Variants in LRRC74B observed in about 807,000 individuals in gnomAD.
The protein encoded by LRRC74B is leucine rich repeat containing 74B, also known as leucine-rich repeat-containing protein 74B.
In LRRC74B, 30 loss-of-function variants were observed where a neutral mutation model predicts 16.6. The observed-to-expected ratio is 1.80, with a 90% confidence interval of 1.35 to 2.45. The LOEUF (loss-of-function observed/expected upper bound fraction) is 2.45, where lower values mean the gene tolerates loss of function less well. LRRC74B is among the 30% of genes most tolerant of loss of function. The pLI is 0.00. For synonymous variants in LRRC74B, 134 were observed against 86.0 expected (o/e 1.56, Z -3.09); for missense variants, 326 against 202.4 (o/e 1.61, Z -3.71).
At chr22:21,050,228 G>A (rs551153945) in intron 4 of LRRC74B, among the ~76,000 whole-genome samples, 11 of 151,942 alleles carry the variant, frequency 7.2e-5, no homozygotes, top group Admixed American at 7.2e-4. Flanking sequence ...GTAGAGATGG[G>A]GTTTCACCGT....
At chr22:21,053,593 C>A (rs534188702) in intron 6 of LRRC74B, 118 bp downstream of exon 6, 4 of 615,446 alleles carry the variant, frequency 6.5e-6, no homozygotes, top group Non-Finnish European at 1.2e-5. Context: ...AATCCCAGAG[C>A]AGCTCTGTCA....
chr22:21,060,241 G>C (rs2270383), intron 8 of LRRC74B, 132 bp from the exon 9 acceptor site: 3 of 595,492 alleles, frequency 5.0e-6, no homozygotes, highest in Non-Finnish European at 9.1e-6. Context: ...ACTAGTTTGC[G>C]GGTATGAGAC....
chr22:21,057,256 CATA>C (rs140789347), intron 8 of LRRC74B, 56 bp downstream of exon 8: 44,602 of 697,748 alleles, frequency 0.064, 4,952 homozygotes, highest in East Asian at 0.4. Context: ...TGTGAGGTAT[CATA>C]ATTTTAGAAG....
intron 4 of LRRC74B, among the ~76,000 whole-genome samples, chr22:21,050,251 G>A (rs1929901563): frequency 6.6e-6 from 1 of 151,870 alleles, no homozygotes; most frequent in South Asian, 2.1e-4. Flanking sequence ...TGGTCAGGCT[G>A]GTCTCGAACT....
chr22:21,046,646 T>C (rs1929461609), intron 1 of LRRC74B, among the ~76,000 whole-genome samples: 1 of 151,864 alleles, frequency 6.6e-6, no homozygotes, highest in Non-Finnish European at 1.5e-5. Flanking sequence ...ATTATTTATT[T>C]ATTAGAGCCA....
chr22:21,047,995 A>G (rs752646365), exon 3 of LRRC74B: 17 of 716,894 alleles, frequency 2.4e-5, no homozygotes, highest in African/African-American at 5.3e-5. Context: ...AGGTGCCCTG[A>G]GCAAAAGCAG....
chr22:21,060,782 G>T (rs1447422609), downstream of LRRC74B, among the ~76,000 whole-genome samples: 1 of 152,132 alleles, frequency 6.6e-6, no homozygotes, highest in Non-Finnish European at 1.5e-5. Context: ...ATTGAACTGG[G>T]CATGGTATCC....
intron 4 of LRRC74B, 74 bp from the exon 5 acceptor site, chr22:21,052,175 G>T (rs1455754637): frequency 1.4e-6 from 1 of 704,604 alleles, no homozygotes; most frequent in South Asian, 1.5e-5. Flanking sequence ...GGCTCGGCAC[G>T]CAGTGGGCAT....
chr22:21,055,240 C>T (rs1930419344), intron 7 of LRRC74B, 64 bp downstream of exon 7: 5 of 681,864 alleles, frequency 7.3e-6, no homozygotes, highest in Non-Finnish European at 1.4e-5. Context: ...CCACACAGAT[C>T]CCTCCCCCAC....
chr22:21,050,737 C>T (rs1014456759), intron 4 of LRRC74B, among the ~76,000 whole-genome samples: 1 of 147,008 alleles, frequency 6.8e-6, no homozygotes, highest in South Asian at 2.1e-4. Flanking sequence ...GAGATAGCAC[C>T]ACTGCAGTCC....
chr22:21,055,172 T>C, exon 7 of LRRC74B: 1 of 715,998 alleles, frequency 1.4e-6, no homozygotes, highest in Non-Finnish European at 2.6e-6. Context: ...CTGAGGATTC[T>C]TGTAGTGAGT....
exon 3 of LRRC74B, chr22:21,047,886 C>T (rs554265332): frequency 4.7e-5 from 34 of 717,266 alleles, no homozygotes; most frequent in African/African-American, 2.6e-4. Flanking sequence ...TGTCCCAGGG[C>T]GCCCGGGCTC....
chr22:21,061,953 A>G (rs1360964321), downstream of LRRC74B: 9 of 152,324 alleles, frequency 5.9e-5, no homozygotes, highest in East Asian at 1.7e-3. Flanking sequence ...CATATTCTAA[A>G]GGCAATTGAA....
chr22:21,051,829 T>G lies in LRRC74B; in HGVS notation c.623-420T>G, dbSNP rs112538954. Among the ~76,000 whole-genome samples, 1,242 of 152,260 alleles carry G rather than the reference T, an allele frequency of 8.2e-3. 21 individuals are homozygous for G. Among genetic ancestry groups the G allele is most frequent in the African/African-American group, 0.027 (1,110 of 41,546 alleles). On this transcript the variant is annotated intron_variant, in intron 4 of 8. Coordinates refer to ENST00000442047, the Ensembl canonical transcript of LRRC74B. Reference sequence around the variant, plus strand: ...TGCATTTCCACAGGTGCCTCTGCCATTTGCAGTTTCCTGTGTCTCCTCCCC... The same window carrying G: ...TGCATTTCCACAGGTGCCTCTGCCAGTTGCAGTTTCCTGTGTCTCCTCCCC...
At chr22:21,047,557 C>T in intron 2 of LRRC74B, 59 bp downstream of exon 2, 1 of 701,352 alleles carries the variant, frequency 1.4e-6, no homozygotes, top group Non-Finnish European at 2.6e-6. Flanking sequence ...GAGACAGCAG[C>T]CATGGGAGTG....
intron 1 of LRRC74B, 25 bp downstream of exon 1, chr22:21,046,150 G>A (rs2148128189): frequency 1.4e-6 from 1 of 715,312 alleles, no homozygotes; most frequent in East Asian, 2.7e-5. Context: ...GGGCAGGCCC[G>A]ACTCCTCCCC....
intron 8 of LRRC74B, among the ~76,000 whole-genome samples, chr22:21,057,414 G>T (rs1930599462): frequency 6.6e-6 from 1 of 152,064 alleles, no homozygotes; most frequent in Non-Finnish European, 1.5e-5. Context: ...TCTCACCTGG[G>T]GCACCTGCCT....
chr22:21,051,198 T>C (rs931775815), intron 4 of LRRC74B, among the ~76,000 whole-genome samples: 5 of 152,162 alleles, frequency 3.3e-5, no homozygotes, highest in African/African-American at 9.7e-5. Flanking sequence ...CCTGTTTCCC[T>C]GTTATGATGT....
At chr22:21,061,866 A>G (rs1328008434), downstream of LRRC74B, 1 of 152,184 alleles carries the variant, frequency 6.6e-6, no homozygotes, top group Non-Finnish European at 1.5e-5. Context: ...ACAGTGGAAT[A>G]TTATTTGGCA....
Sources: allele counts gnomAD v4.1 joint callset (sites outside exome capture counted in the v4.1 genomes callset), GRCh38; gene constraint gnomAD v4.1.1; transcripts MANE v1.5; gene names NCBI Gene and HGNC (gene_info 2026-07-23, HGNC 2026-07-21).